KCNH8: variants seen among roughly 807,000 people sequenced by gnomAD.
KCNH8 encodes voltage-gated delayed rectifier potassium channel KCNH8.
A neutral mutation model predicts 103.6 loss-of-function variants in KCNH8; 70 were observed. That is an observed-to-expected ratio of 0.68 (90% confidence interval 0.56 to 0.82). The LOEUF (loss-of-function observed/expected upper bound fraction) is 0.82. KCNH8 is among the 40% of genes least tolerant of loss of function. The probability of loss-of-function intolerance (pLI) is 0.00; values close to 1 mark genes in which losing one functional copy is unlikely to be tolerated. For missense variants in KCNH8, 1,217 were observed against 1,329.9 expected, an observed-to-expected ratio of 0.92 and a Z score of 1.32; for synonymous variants, 498 against 489.4, an observed-to-expected ratio of 1.02 and a Z score of -0.23.
chr3:19,415,945 G>A (rs1450232311), intron 7 of KCNH8, among the ~76,000 whole-genome samples: 1 of 152,000 alleles, frequency 6.6e-6, no homozygotes, highest in Non-Finnish European at 1.5e-5. Flanking sequence ...AATAGGTAAG[G>A]TGGAATATTT....
intron 8 of KCNH8, among the ~76,000 whole-genome samples, chr3:19,447,419 C>T (rs999427113): frequency 6.6e-6 from 1 of 151,970 alleles, no homozygotes; most frequent in African/African-American, 2.4e-5. Context: ...AACTAGGATG[C>T]TAAATAATCT....
intron 1 of KCNH8, among the ~76,000 whole-genome samples, chr3:19,207,021 G>C: frequency 6.6e-6 from 1 of 151,954 alleles, no homozygotes; most frequent in African/African-American, 2.4e-5. Flanking sequence ...GGCAGTCAGT[G>C]GAAAATGCAT....
intron 5 of KCNH8, among the ~76,000 whole-genome samples, chr3:19,367,666 G>T (rs374763858): frequency 1.3e-5 from 2 of 151,786 alleles, no homozygotes; most frequent in East Asian, 3.9e-4. Context: ...AATATAACAT[G>T]TAGCTCATTG....
chr3:19,533,259 C>A (rs759696771), intron 15 of KCNH8, 136 bp from the exon 16 acceptor site: 4 of 604,992 alleles, frequency 6.6e-6, no homozygotes, highest in Non-Finnish European at 5.7e-6. Flanking sequence ...CAAGCAAATG[C>A]TAAAATGTTT....
chr3:19,169,571 A>G (rs940798837), intron 1 of KCNH8, among the ~76,000 whole-genome samples: 1 of 151,976 alleles, frequency 6.6e-6, no homozygotes, highest in African/African-American at 2.4e-5. Flanking sequence ...CTTTTCTAAC[A>G]TTGGAATGAA....
intron 7 of KCNH8, among the ~76,000 whole-genome samples, chr3:19,397,852 T>C (rs551593959): frequency 6.6e-6 from 1 of 152,000 alleles, no homozygotes; most frequent in African/African-American, 2.4e-5. Flanking sequence ...TAAATGTTCA[T>C]TTAAAACATT....
At chr3:19,373,189 C>T (rs371442052) in intron 5 of KCNH8, among the ~76,000 whole-genome samples, 1 of 152,146 alleles carries the variant, frequency 6.6e-6, no homozygotes, top group African/African-American at 2.4e-5. Flanking sequence ...AGGAATGGTA[C>T]CAGCTCCTCC....
chr3:19,501,550 C>CA (rs1485186344), intron 11 of KCNH8, among the ~76,000 whole-genome samples: 1 of 152,170 alleles, frequency 6.6e-6, no homozygotes, highest in African/African-American at 2.4e-5. Context: ...AAACCGAATC[C>CA]AGCAGCACAT....
rs118023534 is a variant in KCNH8, at chr3:19,254,246, C to T, written c.310+359C>T. ...TAATAACTTTTATCCAGGAGTATTT[C>T]TCAAATTTTATGCCTTTAAAGAACT... On this transcript the variant is annotated intron_variant, in intron 2 of 15. Coordinates refer to ENST00000328405, the MANE Select transcript of KCNH8 (RefSeq NM_144633.3). Among the ~76,000 whole-genome samples, 166 of 151,898 alleles carry T rather than the reference C, an allele frequency of 1.1e-3. No homozygotes were observed. The East Asian group carries it at 0.028, about 26-fold the overall frequency.
chr3:19,177,919 A>G (rs1270302142), intron 1 of KCNH8, among the ~76,000 whole-genome samples: 1 of 152,214 alleles, frequency 6.6e-6, no homozygotes, highest in African/African-American at 2.4e-5. Context: ...TTTTTGCCAC[A>G]CTTCTAGCTA....
chr3:19,275,650 C>A (rs1051307738), intron 2 of KCNH8, among the ~76,000 whole-genome samples: 9 of 152,114 alleles, frequency 5.9e-5, no homozygotes, highest in Non-Finnish European at 1.3e-4. Flanking sequence ...TAGTATAGTA[C>A]AAACATCAGG....
At chr3:19,469,685 G>T (rs977243518) in intron 11 of KCNH8, among the ~76,000 whole-genome samples, 6 of 152,126 alleles carry the variant, frequency 3.9e-5, no homozygotes, top group Non-Finnish European at 7.3e-5. Flanking sequence ...CTTGAAGGAA[G>T]AGATCGTGTT....
intron 3 of KCNH8, among the ~76,000 whole-genome samples, chr3:19,298,854 G>T (rs1393618519): frequency 6.7e-6 from 1 of 149,516 alleles, no homozygotes; most frequent in South Asian, 2.1e-4. Context: ...CCCGGGAGGC[G>T]CAGCTTGCAG....
intron 1 of KCNH8, among the ~76,000 whole-genome samples, chr3:19,220,217 G>A (rs191144504): frequency 1.9e-3 from 286 of 152,296 alleles, no homozygotes; most frequent in Non-Finnish European, 2.9e-3. Context: ...CAGCATAGAT[G>A]CTATATATGG....
intron 10 of KCNH8, 129 bp from the exon 11 acceptor site, chr3:19,456,639 T>C: frequency 1.6e-6 from 1 of 641,482 alleles, no homozygotes. Flanking sequence ...TGAAAAGCCC[T>C]GCCCCAAGGT....
At chr3:19,330,822 T>G (rs2065495031) in intron 3 of KCNH8, among the ~76,000 whole-genome samples, 1 of 152,226 alleles carries the variant, frequency 6.6e-6, no homozygotes, top group South Asian at 2.1e-4. Flanking sequence ...TATTTAAATT[T>G]AGAGGATCAC....
chr3:19,232,659 T>A (rs2064009718), intron 1 of KCNH8, among the ~76,000 whole-genome samples: 1 of 152,178 alleles, frequency 6.6e-6, no homozygotes, highest in Admixed American at 6.5e-5. Flanking sequence ...CCGTTTGGCT[T>A]AGATTCTTTG....
chr3:19,370,298 A>T (rs1222885150), intron 5 of KCNH8, among the ~76,000 whole-genome samples: 1 of 152,090 alleles, frequency 6.6e-6, no homozygotes, highest in East Asian at 1.9e-4. Context: ...CAGTTTTTGT[A>T]CTCTCAGAAT....
intron 3 of KCNH8, among the ~76,000 whole-genome samples, chr3:19,284,934 A>T (rs541926114): frequency 2.0e-5 from 3 of 151,598 alleles, no homozygotes; most frequent in South Asian, 4.1e-4. Flanking sequence ...AGAAAAAGAA[A>T]GGAAGGGAAT....
Sources: allele counts gnomAD v4.1 joint callset (sites outside exome capture counted in the v4.1 genomes callset), GRCh38; gene constraint gnomAD v4.1.1; transcripts MANE v1.5; gene names NCBI Gene and HGNC (gene_info 2026-07-23, HGNC 2026-07-21).